TRMT11: variants seen among roughly 807,000 people sequenced by gnomAD.
TRMT11 encodes the protein tRNA (guanine(10)-N(2))-methyltransferase TRMT11.
In TRMT11, 53 loss-of-function variants were observed where a neutral mutation model predicts 62.8. That is an observed-to-expected ratio of 0.84 (90% CI 0.68 to 1.06). The LOEUF is 1.06. Among genes scored for constraint, TRMT11 ranks in the 50% least tolerant of loss-of-function variants. TRMT11 has a pLI of 0.00. For missense variants in TRMT11, 556 were observed against 553.4 expected (o/e 1.00, Z -0.05); for synonymous variants, 188 against 190.3 (o/e 0.99, Z 0.10).
chr6:126,119,928 A>G (rs1010959707), intron 21 of TRMT11, among the ~76,000 whole-genome samples: 1 of 152,138 alleles, frequency 6.6e-6, no homozygotes, highest in Non-Finnish European at 1.5e-5. Flanking sequence ...AACAAGTTAC[A>G]TGTTTATTAA....
chr6:126,093,611 A>AT (rs1777302749), intron 17 of TRMT11, among the ~76,000 whole-genome samples: 1 of 89,884 alleles, frequency 1.1e-5, no homozygotes, highest in African/African-American at 7.9e-5. Flanking sequence ...ATATATATAT[A>AT]TATATATATA....
At chr6:126,069,648 G>A (rs1034977749) in intron 17 of TRMT11, among the ~76,000 whole-genome samples, 4 of 152,168 alleles carry the variant, frequency 2.6e-5, no homozygotes, top group Admixed American at 1.3e-4. Flanking sequence ...ACAGCTTCGT[G>A]TTGGCCCCTC....
At chr6:126,052,619 G>A (rs1465104) in intron 16 of TRMT11, among the ~76,000 whole-genome samples, 63,297 of 151,930 alleles carry the variant, frequency 0.42, 15,439 homozygotes, top group East Asian at 0.92. Context: ...CCTGTGGACC[G>A]GCCAAAAGCC....
At chr6:126,038,211 T>C (rs890362815) in intron 12 of TRMT11, among the ~76,000 whole-genome samples, 1 of 152,066 alleles carries the variant, frequency 6.6e-6, no homozygotes, top group Non-Finnish European at 1.5e-5. Context: ...GAATTGTTTA[T>C]TTCATTAACT....
chr6:126,043,515 C>T (rs1232537551), downstream of TRMT11, among the ~76,000 whole-genome samples: 54 of 149,378 alleles, frequency 3.6e-4, no homozygotes, highest in East Asian at 5.9e-4. Flanking sequence ...AATAAACATA[C>T]GTGTGCATGT....
At chr6:126,107,947 G>T (rs1421713702) in intron 17 of TRMT11, among the ~76,000 whole-genome samples, 1 of 152,162 alleles carries the variant, frequency 6.6e-6, no homozygotes, top group Non-Finnish European at 1.5e-5. Context: ...GAATCATAAA[G>T]AATCATCCTG....
the TRMT11 span, among the ~76,000 whole-genome samples, chr6:126,214,455 A>G: frequency 3.9e-5 from 6 of 152,000 alleles, no homozygotes; most frequent in South Asian, 1.2e-3. Flanking sequence ...CTTTATGGTT[A>G]ATACTGGTAG....
chr6:126,025,170 C>T (rs950600340), intron 12 of TRMT11, among the ~76,000 whole-genome samples: 1 of 151,842 alleles, frequency 6.6e-6, no homozygotes, highest in African/African-American at 2.4e-5. Flanking sequence ...AAATTAAGAC[C>T]CATTGTGGAC....
upstream of TRMT11, among the ~76,000 whole-genome samples, chr6:126,173,561 G>C (rs1383274160): frequency 6.6e-6 from 1 of 152,148 alleles, no homozygotes; most frequent in African/African-American, 2.4e-5. Flanking sequence ...AAGTCAACTG[G>C]TAAGCAGACC....
Position 126,011,407 on chromosome 6 carries a change from C to T in TRMT11, c.915C>T (p.Ile305=). The T allele has an allele frequency of 2.1e-5, 34 of 1,610,222 alleles. No homozygotes were observed. The highest frequency in any genetic ancestry group is 2.8e-5 in the Non-Finnish European group (33 of 1,178,368). ...SWRKGTYFDA[I]ITDPPYGIRE... Reference sequence around the variant, plus strand: ...GGAAGGGCACATATTTTGATGCAATCATTACTGATCGTAAGTTTATTTTTA... The same window carrying T: ...GGAAGGGCACATATTTTGATGCAATTATTACTGATCGTAAGTTTATTTTTA... The change falls in exon 9 of 13, where the codon ATC becomes ATT. Residue 305 remains isoleucine, a synonymous_variant. Coordinates refer to ENST00000334379, the MANE Select transcript of TRMT11 (RefSeq NM_001031712.3).
intron 11 of TRMT11, among the ~76,000 whole-genome samples, 186 bp downstream of exon 11, chr6:126,013,287 TG>T (rs1398390970): frequency 6.6e-6 from 1 of 152,026 alleles, no homozygotes; most frequent in African/African-American, 2.4e-5. Flanking sequence ...GACAAGGTCT[TG>T]CTCTGTCACC....
upstream of TRMT11, among the ~76,000 whole-genome samples, chr6:126,172,404 C>A (rs1280264060): frequency 6.6e-6 from 1 of 152,112 alleles, no homozygotes; most frequent in African/African-American, 2.4e-5. Flanking sequence ...GTGGCAGAAC[C>A]CCCATGCAGA....
At chr6:126,120,222 C>T (rs1015430729) in intron 21 of TRMT11, among the ~76,000 whole-genome samples, 3 of 152,088 alleles carry the variant, frequency 2.0e-5, no homozygotes. Flanking sequence ...TTGTAGTGAG[C>T]TGAGATCACG....
intron 17 of TRMT11, among the ~76,000 whole-genome samples, chr6:126,110,064 G>T (rs1281680105): frequency 6.6e-6 from 1 of 152,168 alleles, no homozygotes; most frequent in Non-Finnish European, 1.5e-5. Flanking sequence ...GAGAAGCAGG[G>T]CACAGTGTGT....
intron 8 of TRMT11, 27 bp downstream of exon 8, chr6:126,008,499 T>C: frequency 1.3e-6 from 2 of 1,581,878 alleles, no homozygotes; most frequent in South Asian, 2.2e-5. Context: ...GACAGTATTA[T>C]AGTCATTGCT....
At chr6:126,108,170 C>A (rs1777485374) in intron 17 of TRMT11, among the ~76,000 whole-genome samples, 1 of 152,140 alleles carries the variant, frequency 6.6e-6, no homozygotes, top group Non-Finnish European at 1.5e-5. Flanking sequence ...CTGCTCTTGC[C>A]TGTAATTTCC....
chr6:125,988,688 G>C (rs1179334043), intron 1 of TRMT11, among the ~76,000 whole-genome samples: 1 of 152,140 alleles, frequency 6.6e-6, no homozygotes, highest in Non-Finnish European at 1.5e-5. Context: ...GGGGAGAGTT[G>C]ACAAGGAAAA....
chr6:125,986,617 C>T lies in TRMT11; in HGVS notation c.67C>T (p.Leu23=). ...GGCGCAGGAGCATCTGGAGTTCCGC[C>T]TGCCGGTGAGTCCGTAGCGCCCTCC... ...LMAQEHLEFR[L]PEIKSLLLLF... Residue 23 remains leucine, a synonymous_variant, in exon 1 of 13, where the codon CTG becomes TTG. Coordinates refer to ENST00000334379, the MANE Select transcript of TRMT11 (RefSeq NM_001031712.3). 3 of 1,582,196 alleles carry T rather than the reference C, an allele frequency of 1.9e-6. No homozygotes were observed. Among genetic ancestry groups the T allele is most frequent in the Middle Eastern group, 1.7e-4 (1 of 6,012 alleles).
chr6:126,161,973 T>G (rs989403845), intron 21 of TRMT11, among the ~76,000 whole-genome samples: 2 of 152,194 alleles, frequency 1.3e-5, no homozygotes, highest in African/African-American at 4.8e-5. Context: ...CTTTCTCAGA[T>G]GGATAGATTG....
Sources: gnomAD v4.1 joint callset for allele counts (sites outside exome capture counted in the v4.1 genomes callset) on GRCh38, gnomAD v4.1.1 for gene constraint, MANE v1.5 for transcripts, NCBI Gene and HGNC (gene_info 2026-07-23, HGNC 2026-07-21) for gene names.